Variants in FAM89A observed in about 807,000 individuals in gnomAD.
The protein encoded by FAM89A is protein FAM89A.
A neutral mutation model predicts 7.1 loss-of-function variants in FAM89A; 10 were observed. That is an observed-to-expected ratio of 1.40 (90% confidence interval 0.86 to 2.38). The LOEUF (loss-of-function observed/expected upper bound fraction) is 2.38, where lower values mean the gene tolerates loss of function less well. Among genes scored for constraint, FAM89A ranks in the 30% most tolerant of loss-of-function variants. The pLI, the probability that FAM89A is intolerant of heterozygous loss-of-function variation, is 0.00. For synonymous variants in FAM89A, 157 were observed against 129.3 expected (o/e 1.21, Z -1.45); for missense variants, 276 against 262.8 (o/e 1.05, Z -0.35).
intron 1 of FAM89A, among the ~76,000 whole-genome samples, chr1:231,036,194 A>C (rs1022013131): frequency 2.6e-5 from 4 of 152,170 alleles, no homozygotes; most frequent in African/African-American, 7.2e-5. Flanking sequence ...GCTAGTTCAA[A>C]CTAAGTTTCT....
chr1:231,028,078 G>T (rs1444165855), intron 1 of FAM89A, among the ~76,000 whole-genome samples: 1 of 152,220 alleles, frequency 6.6e-6, no homozygotes, highest in Admixed American at 6.5e-5. Context: ...TGGCTGCAGA[G>T]ATCTCACCCT....
rs1024675548 is a variant in FAM89A, at chr1:231,019,762, C to T, written c.*101G>A. On this transcript the variant is annotated 3_prime_UTR_variant, in exon 2 of 2. Transcript: ENST00000366654. ...AGCGCTCATCCCCTGTGCCCGAGGACCGTCCACAACGGAGGTGCTTTCTTG... is the reference window on the plus strand; with the variant it reads ...AGCGCTCATCCCCTGTGCCCGAGGATCGTCCACAACGGAGGTGCTTTCTTG... 1 of 1,337,566 alleles carries T rather than the reference C, an allele frequency of 7.5e-7. No individual in the cohort carries two copies. The highest frequency in any genetic ancestry group is 1.0e-6 in the Non-Finnish European group (1 of 975,154). 82.9% of individuals were successfully genotyped at this position (1,337,566 alleles called of 1,614,324 possible). A position where few individuals can be genotyped will look rare whatever the true frequency, so the allele number is the denominator to read the frequency against.
chr1:231,021,269 C>T lies in FAM89A; in HGVS notation c.292-1143G>A, dbSNP rs115244774. Among the ~76,000 whole-genome samples the T allele has an allele frequency of 6.9e-3, 1,047 of 152,348 alleles. 15 individuals are homozygous for T. Among genetic ancestry groups the T allele is most frequent in the African/African-American group, 0.024 (994 of 41,580 alleles). On this transcript the variant is annotated intron_variant, in intron 1 of 1. Coordinates refer to ENST00000366654, the MANE Select transcript of FAM89A (RefSeq NM_198552.3). ...TGCCTTGGTTGATGGCAAAATGGAA[C>T]AATAATTTCTCTTATGGAGCTATTA...
intron 1 of FAM89A, chr1:231,025,978 CAGGCTCTGGAACCTG>C (rs1679961823): frequency 6.5e-6 from 1 of 153,188 alleles, no homozygotes; most frequent in Non-Finnish European, 1.5e-5. Flanking sequence ...ATTAAAAGTG[CAGGCTCTGGAACCTG>C]CCTACCTCCC....
chr1:231,030,435 T>C (rs547078827), intron 1 of FAM89A, among the ~76,000 whole-genome samples: 3 of 152,364 alleles, frequency 2.0e-5, no homozygotes, highest in African/African-American at 7.2e-5. Context: ...GAGACTGTTC[T>C]GCAATTTAAC....
intron 1 of FAM89A, among the ~76,000 whole-genome samples, chr1:231,034,996 C>T (rs1428216912): frequency 1.3e-5 from 2 of 152,120 alleles, no homozygotes; most frequent in East Asian, 1.9e-4. Context: ...CTCTGACCAA[C>T]GCCAATCAAG....
intron 1 of FAM89A, among the ~76,000 whole-genome samples, chr1:231,029,815 C>T (rs538578954): frequency 1.3e-5 from 2 of 152,324 alleles, no homozygotes; most frequent in Admixed American, 1.3e-4. Flanking sequence ...AGATGGCTCA[C>T]AAATTTATTT....
Position 231,021,983 on chromosome 1 carries a change from A to G in FAM89A, c.292-1857T>C, listed in dbSNP as rs4394639. 19 of 1,333,708 alleles carry G rather than the reference A, an allele frequency of 1.4e-5. No homozygotes were observed. In the East Asian group the frequency reaches 4.1e-4, roughly 29 times the overall value. The allele number at this position is 1,333,708 out of a possible 1,614,324, so 82.6% of individuals were successfully genotyped here. ...CAGGGATGAGGGCGCTATAGGCCTCAGGCCCTCGGGTACTGTCGGTTGTCC... is the reference window on the plus strand; with the variant it reads ...CAGGGATGAGGGCGCTATAGGCCTCGGGCCCTCGGGTACTGTCGGTTGTCC... On this transcript the variant is annotated intron_variant, in intron 1 of 1. Coordinates refer to ENST00000366654, the MANE Select transcript of FAM89A (RefSeq NM_198552.3).
chr1:231,028,181 G>A (rs940861857), intron 1 of FAM89A, among the ~76,000 whole-genome samples: 5 of 152,232 alleles, frequency 3.3e-5, no homozygotes, highest in East Asian at 1.9e-4. Context: ...CAGTCACAGA[G>A]GTGCAGACTG....
At chr1:231,022,225 T>G (rs1679892081) in intron 1 of FAM89A, 1 of 914,146 alleles carries the variant, frequency 1.1e-6, no homozygotes, top group Non-Finnish European at 1.8e-6. Context: ...GACAATCAGG[T>G]TCTCCAGTGG....
intron 1 of FAM89A, among the ~76,000 whole-genome samples, chr1:231,038,414 G>A (rs891915836): frequency 6.6e-6 from 1 of 152,168 alleles, no homozygotes; most frequent in Admixed American, 6.5e-5. Context: ...GAGCGGCCCC[G>A]AGGTTTTTCT....
chr1:231,036,687 GC>G (rs1397008934), intron 1 of FAM89A, among the ~76,000 whole-genome samples: 4 of 152,004 alleles, frequency 2.6e-5, no homozygotes, highest in African/African-American at 9.7e-5. Context: ...TCCACCCTCG[GC>G]ATCCGAATGG....
chr1:231,021,757 C>T, intron 1 of FAM89A: 1 of 1,602,426 alleles, frequency 6.2e-7, no homozygotes. Flanking sequence ...TTGTTGACCT[C>T]ACTTGTGAAT....
chr1:231,029,627 G>A (rs1389690303), intron 1 of FAM89A, among the ~76,000 whole-genome samples: 5 of 152,206 alleles, frequency 3.3e-5, no homozygotes, highest in East Asian at 1.9e-4. Flanking sequence ...GCCTGTACAG[G>A]GAAGATGAAG....
At chr1:231,027,982 AC>A (rs1374069822) in intron 1 of FAM89A, among the ~76,000 whole-genome samples, 3 of 152,174 alleles carry the variant, frequency 2.0e-5, no homozygotes, top group Admixed American at 1.3e-4. Flanking sequence ...ATGAAGGCAA[AC>A]ACCATTTCCC....
In FAM89A at chr1:231,040,157, G is replaced by A; in HGVS notation, c.55C>T (p.Leu19=). ...GAAGNGAVRG[L]RVDGLPPLPK... ...AGCGGGGGCAGCCCGTCCACCCGCA[G>A]CCCCCGGACCGCGCCGTTGCCCGCG... Residue 19 remains leucine (L), a synonymous_variant, in exon 1 of 2, where the codon CTG becomes TTG. Coordinates refer to ENST00000366654, the MANE Select transcript of FAM89A (RefSeq NM_198552.3). The A allele has an allele frequency of 8.1e-7, 1 of 1,242,140 alleles. No individual in the cohort carries two copies. Among genetic ancestry groups the A allele is most frequent in the South Asian group, 2.9e-5 (1 of 34,932 alleles). The allele number at this position is 1,242,140 out of a possible 1,614,324, so 76.9% of individuals were successfully genotyped here.
chr1:231,020,901 G>C (rs1317852092), intron 1 of FAM89A, among the ~76,000 whole-genome samples: 1 of 152,090 alleles, frequency 6.6e-6, no homozygotes, highest in Non-Finnish European at 1.5e-5. Flanking sequence ...AGAGAAAAGA[G>C]CACGGTCACA....
chr1:231,022,495 T>C (rs1359715596), intron 1 of FAM89A, among the ~76,000 whole-genome samples: 1 of 152,126 alleles, frequency 6.6e-6, no homozygotes, highest in Middle Eastern at 3.2e-3. Flanking sequence ...AATTTTCCGT[T>C]TGGAAAGTTT....
chr1:231,019,991 C>T lies in FAM89A; in HGVS notation c.427G>A (p.Asp143Asn), dbSNP rs61740910. 285 of 1,614,124 alleles carry T rather than the reference C, an allele frequency of 1.8e-4. No homozygotes were observed. In the African/African-American group the frequency reaches 3.1e-3, roughly 17 times the overall value. Residue 143 changes from aspartate (D) to asparagine (N), a missense_variant, in exon 2 of 2, where the codon GAT (aspartate) becomes AAT (asparagine). Asp to Asn is a conservative substitution (Grantham distance 23). Coordinates refer to ENST00000366654, the MANE Select transcript of FAM89A (RefSeq NM_198552.3). ...TCCTGGAAATATTCCTCCTCTTCAT[C>T]GAAGAAGCCGTTCTCCAGAGCGTAA... ...CTYALENGFF[D>N]EEEEYFQEQN...
Sources: allele counts gnomAD v4.1 joint callset (sites outside exome capture counted in the v4.1 genomes callset), GRCh38; gene constraint gnomAD v4.1.1; transcripts MANE v1.5; gene names NCBI Gene and HGNC (gene_info 2026-07-23, HGNC 2026-07-21).